The following LIFR variants were observed in gnomAD, a reference collection of about 807,000 sequenced individuals.
LIFR encodes the protein LIF receptor subunit alpha.
LIFR carries 84 observed loss-of-function variants against 122.2 expected under a neutral mutation model. That is an observed-to-expected ratio of 0.69 (90% CI 0.58 to 0.82). LIFR has a LOEUF of 0.82. Among genes scored for constraint, LIFR ranks in the 40% least tolerant of loss-of-function variants. LIFR has a pLI of 0.00. For missense variants in LIFR, 1,294 were observed against 1,311.6 expected (o/e 0.99, Z 0.21); for synonymous variants, 422 against 434.7 (o/e 0.97, Z 0.36).
At chr5:38,587,511 C>A (rs1168066972) in intron 1 of LIFR, among the ~76,000 whole-genome samples, 1 of 150,442 alleles carries the variant, frequency 6.6e-6, no homozygotes, top group South Asian at 2.1e-4. Flanking sequence ...ATTGCTTGAG[C>A]TAACAGAACT....
chr5:38,536,360 A>G (rs1334294869), intron 1 of LIFR, among the ~76,000 whole-genome samples: 1 of 152,254 alleles, frequency 6.6e-6, no homozygotes, highest in Non-Finnish European at 1.5e-5. Context: ...ACAGTAAAAA[A>G]AAAAGTACCG....
At chr5:38,553,551 T>A (rs917546434) in intron 1 of LIFR, among the ~76,000 whole-genome samples, 1 of 145,758 alleles carries the variant, frequency 6.9e-6, no homozygotes. Flanking sequence ...TTAGCAGTTT[T>A]GTATCACAAC....
chr5:38,490,234 C>A lies in LIFR; in HGVS notation c.2123G>T (p.Gly708Val). 6.3e-7 allele frequency: 1 copy of A among 1,585,960 alleles called. No individual in the cohort carries two copies. Among genetic ancestry groups the A allele is most frequent in the Non-Finnish European group, 8.6e-7 (1 of 1,156,894 alleles). The part of the protein sequence containing the change: ...NFFLYGCRNQ[G>V]YQLLRSMIGY... Reference sequence around the variant, plus strand: ...AATCATGGAGCGTAATAATTGATATCCTTGATTTCTGCATCCATACAGGAA... The same window carrying A: ...AATCATGGAGCGTAATAATTGATATACTTGATTTCTGCATCCATACAGGAA... Residue 708 changes from glycine (G) to valine (V), a missense_variant, in exon 15 of 20, where the codon GGA (glycine) becomes GTA (valine). Physicochemically the swap from Gly to Val is moderately radical, Grantham distance 109. Coordinates refer to ENST00000453190, the MANE Select transcript of LIFR (RefSeq NM_001127671.2).
intron 2 of LIFR, among the ~76,000 whole-genome samples, chr5:38,601,517 T>A (rs1750221753): frequency 6.6e-6 from 1 of 152,152 alleles, no homozygotes. Context: ...GGACCCTGAG[T>A]TCCCGCCATG....
At chr5:38,567,610 C>T (rs1749069322) in intron 1 of LIFR, among the ~76,000 whole-genome samples, 1 of 151,482 alleles carries the variant, frequency 6.6e-6, no homozygotes, top group African/African-American at 2.4e-5. Flanking sequence ...CTCACTGGAA[C>T]CTCCGCCTCT....
chr5:38,553,638 A>ATATATATG (rs1748336558), intron 1 of LIFR, among the ~76,000 whole-genome samples: 1 of 78,256 alleles, frequency 1.3e-5, no homozygotes, highest in African/African-American at 7.2e-5. Context: ...ATATATATAT[A>ATATATATG]TATATATATA....
intron 1 of LIFR, among the ~76,000 whole-genome samples, chr5:38,547,966 T>C (rs1747988923): frequency 6.6e-6 from 1 of 152,216 alleles, no homozygotes; most frequent in African/African-American, 2.4e-5. Context: ...TATCATAATC[T>C]AATGAGACCA....
At chr5:38,569,303 C>T (rs547331432) in intron 1 of LIFR, among the ~76,000 whole-genome samples, 2 of 152,308 alleles carry the variant, frequency 1.3e-5, no homozygotes, top group South Asian at 4.1e-4. Flanking sequence ...CATTGAGACT[C>T]TTCAAGAGCC....
intron 1 of LIFR, among the ~76,000 whole-genome samples, chr5:38,576,229 T>C (rs1383501269): frequency 6.6e-6 from 1 of 152,206 alleles, no homozygotes; most frequent in Admixed American, 6.5e-5. Context: ...TTGTCTGTTA[T>C]TGCAATAATC....
rs1745461691 is a variant in LIFR, at chr5:38,506,077, GTTAA to G, written c.1122-7_1122-4del. On this transcript the variant is annotated splice_region_variant and splice_polypyrimidine_tract_variant and intron_variant, in intron 8 of 19. Coordinates refer to ENST00000453190, the MANE Select transcript of LIFR (RefSeq NM_001127671.2). ...GTCTAACATATTTTCCTGAAAAACTGTTAATTAACAGAAAAATAATTTCAAAATG... is the reference window on the plus strand; with the variant it reads ...GTCTAACATATTTTCCTGAAAAACTGTTAACAGAAAAATAATTTCAAAATG... 2.5e-6 allele frequency: 4 copies of G among 1,575,372 alleles called. No individual in the cohort carries two copies. Among genetic ancestry groups the G allele is most frequent in the South Asian group, 1.1e-5 (1 of 87,648 alleles).
At chr5:38,584,584 A>G (rs997133026) in intron 1 of LIFR, among the ~76,000 whole-genome samples, 2 of 152,180 alleles carry the variant, frequency 1.3e-5, no homozygotes, top group Admixed American at 1.3e-4. Context: ...GGACCTGTAC[A>G]CTATGCTCCG....
rs1745498981 is a variant in LIFR at position 38,506,600 on chromosome 5, C to T, written c.1024G>A (p.Glu342Lys). The T allele has an allele frequency of 6.2e-7, 1 of 1,613,444 alleles. No homozygotes were observed. The highest frequency in any genetic ancestry group is 8.5e-7 in the Non-Finnish European group (1 of 1,179,466). The change falls in exon 8 of 20, where the codon GAG (glutamate) becomes AAG (lysine). Residue 342 changes from glutamate to lysine, a missense_variant. Transcript: ENST00000453190. ...ATAATTTCTTTTAAATCATGTGTCT[C>T]ACAATTCAGTTGTTGAGGAGTATCT... ...PPDTPQQLNC[E>K]THDLKEIICS...
rs76222722 is a variant in LIFR, at chr5:38,593,562, A to C, written c.-20+1699T>G. On this transcript the variant is annotated intron_variant, in intron 1 of 19. Transcript: ENST00000263409. ...CAGACAGGGCTGACATAGAAGATGCATCAGAGAAGAGGAGGGGGATAGACG... is the reference window on the plus strand; with the variant it reads ...CAGACAGGGCTGACATAGAAGATGCCTCAGAGAAGAGGAGGGGGATAGACG... Among the ~76,000 whole-genome samples the C allele has an allele frequency of 2.6e-3, 395 of 152,318 alleles. 3 individuals are homozygous for C. The highest frequency in any genetic ancestry group is 9.1e-3 in the African/African-American group (380 of 41,578).
At position 38,568,383 on chromosome 5, in the gene LIFR, A is replaced by G. The variant is rs182440901; in HGVS notation, c.-20+26878T>C. ...GAGTTTCTGGGGGACCAACAGGCAC[A>G]TGGTTGGCATGTTCCAGAACTGCAA... is the stretch of plus-strand genomic sequence containing the variant. On this transcript the variant is annotated intron_variant, in intron 1 of 19. Coordinates refer to the LIFR transcript ENST00000263409. Among the ~76,000 whole-genome samples, 9 of 152,304 alleles carry G rather than the reference A, an allele frequency of 5.9e-5. No individual in the cohort carries two copies. In the East Asian group the frequency reaches 1.4e-3, roughly 23 times the overall value.
upstream of LIFR, among the ~76,000 whole-genome samples, chr5:38,559,824 T>C (rs1377073517): frequency 6.6e-6 from 1 of 152,260 alleles, no homozygotes; most frequent in South Asian, 2.1e-4. Flanking sequence ...GCTAAACGTC[T>C]GTGATCTTCT....
chr5:38,558,905 G>C (rs1479026494), upstream of LIFR: 1 of 152,336 alleles, frequency 6.6e-6, no homozygotes, highest in East Asian at 1.9e-4. Flanking sequence ...CACAAAGCCT[G>C]ACCCTATCCC....
chr5:38,606,363 C>CAG (rs1193969595), intron 1 of LIFR: 1 of 152,128 alleles, frequency 6.6e-6, no homozygotes, highest in Non-Finnish European at 1.5e-5. Flanking sequence ...AAGAGAGAGA[C>CAG]AGAGAGACGG....
chr5:38,516,291 A>T lies in LIFR; in HGVS notation c.562-4327T>A, dbSNP rs185544119. Among the ~76,000 whole-genome samples the T allele has an allele frequency of 7.2e-5, 11 of 152,276 alleles. No homozygotes were observed. The East Asian group carries it at 1.5e-3, about 21-fold the overall frequency. On this transcript the variant is annotated intron_variant, in intron 5 of 19. Transcript: ENST00000453190. ...TCCTCCTCAAGTTACATTAAAAATT[A>T]AAAAAGCCTCGTCCCTATCCATCTG...
intron 7 of LIFR, 48 bp downstream of exon 7, chr5:38,510,416 G>T: frequency 6.4e-7 from 1 of 1,559,918 alleles, no homozygotes; most frequent in Non-Finnish European, 8.8e-7. Context: ...TTTCAAGGAA[G>T]ACCAAAACAG....
Sources: allele counts gnomAD v4.1 joint callset (sites outside exome capture counted in the v4.1 genomes callset), GRCh38; gene constraint gnomAD v4.1.1; transcripts MANE v1.5; gene names NCBI Gene and HGNC (gene_info 2026-07-23, HGNC 2026-07-21).